The following RASGRF1 variants were observed in gnomAD, a reference collection of about 807,000 sequenced individuals.
The protein encoded by RASGRF1 is ras-specific guanine nucleotide-releasing factor 1.
Under a neutral mutation model 138.7 loss-of-function variants are expected in RASGRF1, and 40 were observed. The observed-to-expected ratio is 0.29, with a 90% confidence interval of 0.22 to 0.38. The LOEUF is 0.38. RASGRF1 is among the 10% of genes least tolerant of loss of function. RASGRF1 has a pLI of 1.00. For synonymous variants in RASGRF1, 614 were observed against 663.2 expected (o/e 0.93, Z 1.14); for missense variants, 1,108 against 1,650.4 (o/e 0.67, Z 5.69).
chr15:79,071,558 C>A (rs901094973), intron 1 of RASGRF1, among the ~76,000 whole-genome samples: 1 of 149,890 alleles, frequency 6.7e-6, no homozygotes, highest in East Asian at 2.0e-4. Flanking sequence ...TTAGTAGAGA[C>A]GGGGTTTTGC....
chr15:79,015,721 T>C (rs2056869593), intron 12 of RASGRF1, among the ~76,000 whole-genome samples: 2 of 152,252 alleles, frequency 1.3e-5, no homozygotes, highest in South Asian at 4.1e-4. Context: ...GCAAAATGAA[T>C]GCATCTGACA....
At position 78,997,736 on chromosome 15, in the gene RASGRF1, C is replaced by CAAAA. The variant is rs33965910; in HGVS notation, c.2966+356_2966+359dup. Among the ~76,000 whole-genome samples the CAAAA allele has an allele frequency of 1.0e-2, 1,119 of 112,282 alleles. 23 individuals carry two copies. Among genetic ancestry groups the CAAAA allele is most frequent in the Non-Finnish European group, 0.015 (871 of 57,400 alleles). The allele number at this position is 112,282 out of a possible 152,430, so 73.7% of individuals were successfully genotyped here. ...GGGTGACAAGAGCGAGACTTCGCCT[C>CAAAA]AAAAAAAAAAAAAAAAAAGATTTAA... On this transcript the variant is annotated intron_variant, in intron 19 of 26. Coordinates refer to ENST00000558480, the MANE Select transcript of RASGRF1 (RefSeq NM_001145648.3).
At chr15:79,082,165 G>GT (rs2057922495) in intron 1 of RASGRF1, among the ~76,000 whole-genome samples, 1 of 152,230 alleles carries the variant, frequency 6.6e-6, no homozygotes, top group African/African-American at 2.4e-5. Context: ...TGGGGGCACA[G>GT]TGCATGTGTG....
chr15:78,967,338 G>A (rs2141589013), intron 26 of RASGRF1, among the ~76,000 whole-genome samples: 1 of 152,270 alleles, frequency 6.6e-6, no homozygotes, highest in South Asian at 2.1e-4. Context: ...TTGAGGCCAG[G>A]AGTTCGAGAC....
At chr15:79,047,817 TGGGA>T (rs1469968481) in intron 4 of RASGRF1, among the ~76,000 whole-genome samples, 1 of 152,142 alleles carries the variant, frequency 6.6e-6, no homozygotes, top group Non-Finnish European at 1.5e-5. Flanking sequence ...CGGTCCACAC[TGGGA>T]GGAAGGGTAC....
intron 1 of RASGRF1, among the ~76,000 whole-genome samples, chr15:79,067,789 T>C (rs2057699516): frequency 1.3e-5 from 2 of 151,504 alleles, no homozygotes; most frequent in African/African-American, 4.9e-5. Flanking sequence ...GAGACAGAGA[T>C]AAGATAGAGA....
intron 2 of RASGRF1, among the ~76,000 whole-genome samples, chr15:79,063,515 T>A (rs1317858701): frequency 6.6e-6 from 1 of 152,194 alleles, no homozygotes. Flanking sequence ...ATATATAAAC[T>A]CAACAACCAG....
intron 12 of RASGRF1, among the ~76,000 whole-genome samples, chr15:79,016,121 C>T (rs1439584571): frequency 6.6e-6 from 1 of 152,202 alleles, no homozygotes; most frequent in Admixed American, 6.5e-5. Flanking sequence ...TGTCCCCTGC[C>T]CTGGGTCTTC....
intron 13 of RASGRF1, among the ~76,000 whole-genome samples, chr15:79,012,218 A>G (rs1040871790): frequency 1.3e-5 from 2 of 151,844 alleles, no homozygotes; most frequent in East Asian, 1.9e-4. Context: ...TTGCCTCCGA[A>G]CCTATGTTCA....
intron 12 of RASGRF1, 137 bp downstream of exon 12, chr15:79,017,633 G>T: frequency 8.6e-7 from 1 of 1,157,948 alleles, no homozygotes; most frequent in Non-Finnish European, 1.2e-6. Flanking sequence ...TGTGGACTTG[G>T]AAGATTCTTG....
intron 15 of RASGRF1, among the ~76,000 whole-genome samples, 158 bp downstream of exon 15, chr15:79,003,644 C>T (rs1241057328): frequency 6.6e-6 from 1 of 152,258 alleles, no homozygotes. Context: ...ACCGCCCAGA[C>T]TCTGTGCTGC....
intron 15 of RASGRF1, 105 bp downstream of exon 15, chr15:79,003,697 T>C: frequency 6.8e-7 from 1 of 1,481,310 alleles, no homozygotes; most frequent in South Asian, 1.4e-5. Flanking sequence ...TCTCCCTTCC[T>C]TCCCCATGGG....
rs201286667 is a variant in RASGRF1, at chr15:79,014,916, CAA to C, written c.1826+409_1826+410del. 3.2e-3 allele frequency among the ~76,000 whole-genome samples: 202 copies of C among 63,110 alleles called. 1 individual carries two copies. In the East Asian group the frequency reaches 0.085, roughly 27 times the overall value. The allele number at this position is 63,110 out of a possible 152,430, so 41.4% of individuals were successfully genotyped here. On this transcript the variant is annotated intron_variant, in intron 13 of 26. Coordinates refer to ENST00000558480, the MANE Select transcript of RASGRF1 (RefSeq NM_001145648.3). ...TGGGTGACAGAGCAAGACTTGGTCT[CAA>C]AAAAACAAAAAACAAAAAACAAAAA... is the stretch of plus-strand genomic sequence containing the variant.
intron 3 of RASGRF1, among the ~76,000 whole-genome samples, chr15:79,051,754 G>A (rs975958013): frequency 1.3e-5 from 2 of 152,176 alleles, no homozygotes; most frequent in African/African-American, 2.4e-5. Flanking sequence ...TACATGCGCA[G>A]GCAACAAAAA....
chr15:79,036,943 C>G (rs535380836), intron 5 of RASGRF1, among the ~76,000 whole-genome samples: 1 of 152,188 alleles, frequency 6.6e-6, no homozygotes, highest in South Asian at 2.1e-4. Flanking sequence ...AAAATCCAAG[C>G]AGAGAAGACT....
intron 24 of RASGRF1, chr15:78,978,687 A>G: frequency 9.8e-7 from 1 of 1,025,430 alleles, no homozygotes; most frequent in Non-Finnish European, 1.2e-6. Flanking sequence ...TCCCCTGCCT[A>G]GTGAAACAGA....
intron 24 of RASGRF1, among the ~76,000 whole-genome samples, chr15:78,974,078 C>T (rs761562223): frequency 6.6e-6 from 1 of 152,146 alleles, no homozygotes; most frequent in East Asian, 1.9e-4. Flanking sequence ...GGGAGCTGGG[C>T]CCCCGGAGTG....
intron 24 of RASGRF1, chr15:78,978,821 C>G: frequency 1.7e-6 from 2 of 1,172,758 alleles, no homozygotes; most frequent in Non-Finnish European, 2.1e-6. Context: ...GCCTATGTCT[C>G]TGCAAGTCCA....
chr15:79,011,663 C>T (rs1204113572), intron 13 of RASGRF1, among the ~76,000 whole-genome samples: 1 of 152,198 alleles, frequency 6.6e-6, no homozygotes, highest in Non-Finnish European at 1.5e-5. Flanking sequence ...GGCCCAAGTG[C>T]TTTCCATTGC....
Sources: gnomAD v4.1 joint callset for allele counts (sites outside exome capture counted in the v4.1 genomes callset) on GRCh38, gnomAD v4.1.1 for gene constraint, MANE v1.5 for transcripts, NCBI Gene and HGNC (gene_info 2026-07-23, HGNC 2026-07-21) for gene names.